The following SYT7 variants were observed in gnomAD, a reference collection of about 807,000 sequenced individuals.
SYT7 encodes the protein synaptotagmin 7.
In SYT7, 29 loss-of-function variants were observed where a neutral mutation model predicts 75.1. That is an observed-to-expected ratio of 0.39 (90% confidence interval 0.29 to 0.53). The LOEUF is 0.53. Ranked by LOEUF, SYT7 falls within the 20% of genes least tolerant of loss-of-function variation. SYT7 has a pLI of 0.77. For missense variants in SYT7, 693 were observed against 953.2 expected (o/e 0.73, Z 3.59); for synonymous variants, 376 against 401.7 (o/e 0.94, Z 0.76).
rs117796005 is a variant in SYT7, at chr11:61,533,549, C to T, written c.1065-425G>A. The stretch of plus-strand genomic sequence containing the variant: ...GGTGTGGTGTGTCCAGGTGCCTCTC[C>T]GCGTCATTACCCTCTGCAAACACGC... On this transcript the variant is annotated intron_variant, in intron 7 of 12. Transcript: ENST00000539008. The T allele has an allele frequency of 1.8e-4, 175 of 985,402 alleles. No homozygotes were observed. The East Asian group carries it at 7.2e-3, about 40-fold the overall frequency. The allele number at this position is 985,402 out of a possible 1,614,324, so 61.0% of individuals were successfully genotyped here. A position where few individuals can be genotyped will look rare whatever the true frequency, so the allele number is the denominator to read the frequency against.
chr11:61,540,767 G>A, intron 6 of SYT7: 1 of 985,506 alleles, frequency 1.0e-6, no homozygotes, highest in Non-Finnish European at 1.2e-6. Flanking sequence ...GGACGTGCAG[G>A]GGCCCAGCAG....
intron 4 of SYT7, 59 bp downstream of exon 4, chr11:61,547,118 G>A (rs1433025609): frequency 1.4e-5 from 22 of 1,518,160 alleles, no homozygotes; most frequent in Non-Finnish European, 1.9e-5. Context: ...GCAGGAGGAG[G>A]GAAGGAGGGC....
chr11:61,538,536 G>A lies in SYT7; in HGVS notation c.942-270C>T, dbSNP rs1001286155. On this transcript the variant is annotated intron_variant, in intron 6 of 12. Coordinates refer to ENST00000539008, the MANE Select transcript of SYT7 (RefSeq NM_001365809.2). ...GCAGGGAGGGAGGGGAGTTGACTAC[G>A]GCCTGAGACTCCACTGGTCTGAGCC... Among the ~76,000 whole-genome samples the A allele has an allele frequency of 5.3e-5, 8 of 152,256 alleles. 1 individual carries two copies. Among genetic ancestry groups the A allele is most frequent in the South Asian group, 4.1e-4 (2 of 4,828 alleles).
chr11:61,581,988 T>C (rs2064285618), upstream of SYT7, among the ~76,000 whole-genome samples: 1 of 152,222 alleles, frequency 6.6e-6, no homozygotes, highest in Non-Finnish European at 1.5e-5. Flanking sequence ...AGAAGAGACC[T>C]GTCTCCTAAG....
chr11:61,562,066 A>G (rs1216722264), intron 1 of SYT7, among the ~76,000 whole-genome samples: 1 of 151,062 alleles, frequency 6.6e-6, no homozygotes, highest in Non-Finnish European at 1.5e-5. Context: ...ACACACACAC[A>G]CGCACGCACG....
chr11:61,525,269 T>C (rs1253178781), intron 9 of SYT7, among the ~76,000 whole-genome samples: 1 of 152,224 alleles, frequency 6.6e-6, no homozygotes, highest in African/African-American at 2.4e-5. Flanking sequence ...GATATGCTCC[T>C]GCTTAAAGCC....
At chr11:61,549,503 AAC>A (rs1484386793) in intron 3 of SYT7, among the ~76,000 whole-genome samples, 22 of 152,220 alleles carry the variant, frequency 1.4e-4, no homozygotes, top group Admixed American at 1.2e-3. Flanking sequence ...ACTGCTAAAG[AAC>A]ACAGTTTCCC....
intron 5 of SYT7, among the ~76,000 whole-genome samples, chr11:61,545,268 A>T (rs1015463839): frequency 2.0e-5 from 3 of 152,200 alleles, no homozygotes; most frequent in Admixed American, 6.5e-5. Context: ...GCTATTACAG[A>T]GGGGACGGCT....
At position 61,551,415 on chromosome 11, in the gene SYT7, C is replaced by A. The variant is rs1425094181; in HGVS notation, c.184G>T (p.Gly62Trp). The change falls in exon 3 of 13, where the codon GGG becomes TGG. Residue 62 changes from glycine (G) to tryptophan (W), a missense_variant. This residue lies in a region of SYT7 where 487 missense variants were observed against 593.2 expected (regional missense o/e 0.82). Coordinates refer to ENST00000539008, the MANE Select transcript of SYT7 (RefSeq NM_001365809.2). This position sits in a 1 kb window ranked among gnomAD's most constrained non-coding sequence, Gnocchi z 5.3. The stretch of plus-strand genomic sequence containing the variant: ...GCCTTCTTCTCACTGCGCCCACGCC[C>A]TGAGTCTGGCGTGCCCACCGTCTCC... ...SLETVGTPDSGRGRSEKKAIN... is the reference protein window; with the variant it reads ...SLETVGTPDSWRGRSEKKAIN... 1 of 1,613,900 alleles carries A rather than the reference C, an allele frequency of 6.2e-7. No individual in the cohort carries two copies. Among genetic ancestry groups the A allele is most frequent in the Non-Finnish European group, 8.5e-7 (1 of 1,179,956 alleles).
intron 7 of SYT7, among the ~76,000 whole-genome samples, chr11:61,537,324 C>A (rs910021252): frequency 1.3e-5 from 2 of 152,172 alleles, no homozygotes; most frequent in African/African-American, 2.4e-5. Flanking sequence ...ACCCCTTGCC[C>A]ATGAGCAGCG....
rs1003270084 is a variant in SYT7, at chr11:61,546,759, A to AACCACCG, written c.347+411_347+417dup. On this transcript the variant is annotated intron_variant, in intron 4 of 12. Transcript: ENST00000539008. This position sits in a 1 kb window ranked among gnomAD's most constrained non-coding sequence, Gnocchi z 7.6. ...CACCATCACCGCCACCACCGCCACG[A>AACCACCG]ACCACCGACCACCGACCACCGACCA... is the stretch of plus-strand genomic sequence containing the variant. The AACCACCG allele has an allele frequency of 1.3e-4, 54 of 418,902 alleles. No individual in the cohort carries two copies. The highest frequency in any genetic ancestry group is 3.6e-4 in the East Asian group (5 of 13,712). 25.9% of individuals were successfully genotyped at this position (418,902 alleles called of 1,614,324 possible).
rs559371402 is a variant in SYT7, at chr11:61,576,882, G to A, written c.31+3908C>T. Reference sequence around the variant, plus strand: ...CTCAATGCCCCTTAAGCCTGAGCTTGGGGTCAGCCAGGAGCAGAACCCAGC... The same window carrying A: ...CTCAATGCCCCTTAAGCCTGAGCTTAGGGTCAGCCAGGAGCAGAACCCAGC... On this transcript the variant is annotated intron_variant, in intron 1 of 12. Transcript: ENST00000539008. This position sits in a 1 kb window ranked among gnomAD's most constrained non-coding sequence, Gnocchi z 4.1. 5.9e-5 allele frequency among the ~76,000 whole-genome samples: 9 copies of A among 152,184 alleles called. No individual in the cohort carries two copies. Among genetic ancestry groups the A allele is most frequent in the Admixed American group, 3.9e-4 (6 of 15,300 alleles).
At chr11:61,584,409 GA>G (rs1298457338), upstream of SYT7, among the ~76,000 whole-genome samples, 2 of 149,286 alleles carry the variant, frequency 1.3e-5, no homozygotes, top group Admixed American at 1.3e-4. Context: ...AAAAAAAAAG[GA>G]AAAAAAAAGA....
At chr11:61,581,750 A>T (rs971754689), upstream of SYT7, among the ~76,000 whole-genome samples, 1 of 152,070 alleles carries the variant, frequency 6.6e-6, no homozygotes, top group Non-Finnish European at 1.5e-5. Context: ...AAGAAAATAG[A>T]CTTTTCAGCC....
At chr11:61,583,985 G>A (rs1459678053), upstream of SYT7, among the ~76,000 whole-genome samples, 1 of 152,154 alleles carries the variant, frequency 6.6e-6, no homozygotes, top group Non-Finnish European at 1.5e-5. Flanking sequence ...TTTACCCTGG[G>A]CAGACACCTC....
chr11:61,540,183 A>C (rs1434290181), intron 6 of SYT7: 2 of 151,154 alleles, frequency 1.3e-5, no homozygotes, highest in African/African-American at 4.9e-5. Flanking sequence ...TGGAGAGTGG[A>C]GGGAGAGGCT....
Position 61,549,976 on chromosome 11 carries a change from G to A in SYT7, c.215+1408C>T, listed in dbSNP as rs181977600. Among the ~76,000 whole-genome samples, 168 of 152,276 alleles carry A rather than the reference G, an allele frequency of 1.1e-3. 2 individuals are homozygous for A. The highest frequency in any genetic ancestry group is 1.5e-3 in the Non-Finnish European group (99 of 68,014). On this transcript the variant is annotated intron_variant, in intron 3 of 12. Coordinates refer to ENST00000539008, the MANE Select transcript of SYT7 (RefSeq NM_001365809.2). ...AGGCAGGCCCCCAGCCCTGGCCCGCGGCTGTAAACGGCCTGTCCTGGAGGA... is the reference window on the plus strand; with the variant it reads ...AGGCAGGCCCCCAGCCCTGGCCCGCAGCTGTAAACGGCCTGTCCTGGAGGA...
rs1477624298 is a variant in SYT7 at position 61,546,669 on chromosome 11, C to A, written c.348-414G>T. The A allele has an allele frequency of 4.3e-6, 2 of 462,428 alleles. No homozygotes were observed. Among genetic ancestry groups the A allele is most frequent in the Non-Finnish European group, 8.6e-6 (2 of 231,548 alleles). The allele number at this position is 462,428 out of a possible 1,614,324, so 28.6% of individuals were successfully genotyped here. ...ACGGAGGAAGAGCGGGCTGTCCAGG[C>A]CAGGAGGCCCCAAGGCAGGGAGAAA... On this transcript the variant is annotated intron_variant, in intron 4 of 12. Transcript: ENST00000539008. This position sits in a 1 kb window ranked among gnomAD's most constrained non-coding sequence, Gnocchi z 7.6.
rs2062167742 is a variant in SYT7 at position 61,517,115 on chromosome 11, A to T, written c.*1512T>A. 2.5e-6 allele frequency: 1 copy of T among 395,922 alleles called. No homozygotes were observed. Among genetic ancestry groups the T allele is most frequent in the Non-Finnish European group, 4.4e-6 (1 of 224,936 alleles). 24.5% of individuals were successfully genotyped at this position (395,922 alleles called of 1,614,324 possible). ...TGGGGGCCTGGCGCCACCTGGCGGT[A>T]GTTCTGGGAATGTCAGGCCCAGGCT... On this transcript the variant is annotated 3_prime_UTR_variant, in exon 13 of 13. Coordinates refer to ENST00000539008, the MANE Select transcript of SYT7 (RefSeq NM_001365809.2).
Sources: allele counts gnomAD v4.1 joint callset (sites outside exome capture counted in the v4.1 genomes callset), GRCh38; gene constraint gnomAD v4.1.1; regional missense constraint gnomAD v4.1.1; non-coding constraint Gnocchi (gnomAD v3.1); transcripts MANE v1.5; gene names NCBI Gene and HGNC (gene_info 2026-07-23, HGNC 2026-07-21).